ARL6IP1: variants seen among roughly 807,000 people sequenced by gnomAD.
ARL6IP1 encodes ADP-ribosylation factor-like protein 6-interacting protein 1.
A neutral mutation model predicts 30.1 loss-of-function variants in ARL6IP1; 16 were observed. That is an observed-to-expected ratio of 0.53 (90% confidence interval 0.36 to 0.81). ARL6IP1 has a LOEUF of 0.81. Ranked by LOEUF, ARL6IP1 falls within the 30% of genes least tolerant of loss-of-function variation. ARL6IP1 has a pLI of 0.01. For synonymous variants in ARL6IP1, 72 were observed against 84.8 expected (o/e 0.85, Z 0.83); for missense variants, 173 against 242.7 (o/e 0.71, Z 1.91).
intron 3 of ARL6IP1, among the ~76,000 whole-genome samples, chr16:18,797,088 G>T (rs1055545372): frequency 4.6e-5 from 7 of 152,002 alleles, no homozygotes; most frequent in Non-Finnish European, 1.0e-4. Context: ...GCAACCTCAT[G>T]GTATAAATAG....
At chr16:18,801,403 T>C in intron 1 of ARL6IP1, 28 bp downstream of exon 1, 23 of 1,611,754 alleles carry the variant, frequency 1.4e-5, no homozygotes, top group Non-Finnish European at 2.0e-5. Context: ...CTCGCTCGGC[T>C]CCCGGGGGAC....
intron 1 of ARL6IP1, 135 bp downstream of exon 1, chr16:18,801,296 G>A (rs2030402201): frequency 1.3e-6 from 2 of 1,501,302 alleles, no homozygotes; most frequent in Non-Finnish European, 1.8e-6. Flanking sequence ...AAGCCCGAGG[G>A]CCAGGCATCG....
intron 4 of ARL6IP1, 147 bp from the exon 5 acceptor site, chr16:18,794,830 G>T: frequency 1.8e-6 from 1 of 547,868 alleles, no homozygotes; most frequent in Non-Finnish European, 3.2e-6. Context: ...AAAATTCTTA[G>T]ATTTAAAAAC....
At position 18,801,511 on chromosome 16, in the gene ARL6IP1, C is replaced by G. The variant is rs755093710; in HGVS notation, c.-45G>C. ...CTACAAGCGCAGGCCACCTCCCCAACGAGTCCTCCAACCGAAACCCGCACA... is the reference window on the plus strand; with the variant it reads ...CTACAAGCGCAGGCCACCTCCCCAAGGAGTCCTCCAACCGAAACCCGCACA... On this transcript the variant is annotated 5_prime_UTR_variant, in exon 1 of 6. Coordinates refer to ENST00000304414, the MANE Select transcript of ARL6IP1 (RefSeq NM_015161.3). 6 of 1,603,670 alleles carry G rather than the reference C, an allele frequency of 3.7e-6. No homozygotes were observed. The highest frequency in any genetic ancestry group is 1.1e-5 in the South Asian group (1 of 89,232).
intron 4 of ARL6IP1, among the ~76,000 whole-genome samples, chr16:18,794,986 A>G (rs2030186841): frequency 6.6e-6 from 1 of 151,938 alleles, no homozygotes; most frequent in Non-Finnish European, 1.5e-5. Flanking sequence ...TGAAGCTTAC[A>G]GATAAGAGAA....
chr16:18,801,090 G>A (rs1596950743), intron 1 of ARL6IP1: 1 of 952,700 alleles, frequency 1.0e-6, no homozygotes, highest in Non-Finnish European at 1.4e-6. Flanking sequence ...TACGGCTGGG[G>A]CCTGAGCCGC....
intron 2 of ARL6IP1, chr16:18,798,485 C>T (rs1277332566): frequency 8.4e-6 from 4 of 475,432 alleles, no homozygotes; most frequent in East Asian, 3.4e-5. Flanking sequence ...AAAAAGTTTG[C>T]GAGTCACTGA....
At chr16:18,801,320 G>A (rs938874931) in intron 1 of ARL6IP1, 111 bp downstream of exon 1, 1 of 1,543,970 alleles carries the variant, frequency 6.5e-7, no homozygotes, top group Non-Finnish European at 8.7e-7. Context: ...CCTGCCCAGG[G>A]AGAGAAGGGC....
intron 1 of ARL6IP1, among the ~76,000 whole-genome samples, chr16:18,799,077 T>TGGGGAGATCTCGGCTCACTGCAGC (rs1367833904): frequency 2.0e-5 from 3 of 151,932 alleles, no homozygotes; most frequent in Non-Finnish European, 4.4e-5. Context: ...TGGAGTGCAG[T>TGGGGAGATCTCGGCTCACTGCAGC]GGGGAGATCT....
In ARL6IP1 at chr16:18,792,683, TGTACTA is replaced by T. The variant is rs1361383850; in HGVS notation, c.*563_*568del. The T allele has an allele frequency of 6.6e-6, 1 of 152,648 alleles. No homozygotes were observed. Among genetic ancestry groups the T allele is most frequent in the Non-Finnish European group, 1.5e-5 (1 of 68,042 alleles). The allele number at this position is 152,648 out of a possible 1,614,324, so 9.5% of individuals were successfully genotyped here. ...GCTTTGCACAAGGGAGAAGCCTACATGTACTAGTGCATGGAATCAGTTTCATCTTAT... is the reference window on the plus strand; with the variant it reads ...GCTTTGCACAAGGGAGAAGCCTACATGTGCATGGAATCAGTTTCATCTTAT... On this transcript the variant is annotated 3_prime_UTR_variant, in exon 6 of 6. Transcript: ENST00000304414.
rs2030072907 is a variant in ARL6IP1 at position 18,791,674 on chromosome 16, T to C, written c.*1578A>G. The stretch of plus-strand genomic sequence containing the variant: ...TATAAAGAAAGTGAGACATGAAGAT[T>C]CCAGCTTTTTTTATTTTTTCCCCTT... On this transcript the variant is annotated 3_prime_UTR_variant, in exon 6 of 6. Coordinates refer to ENST00000304414, the MANE Select transcript of ARL6IP1 (RefSeq NM_015161.3). The C allele has an allele frequency of 6.6e-6, 1 of 152,220 alleles. No homozygotes were observed. Among genetic ancestry groups the C allele is most frequent in the Admixed American group, 6.5e-5 (1 of 15,286 alleles). The allele number at this position is 152,220 out of a possible 1,614,324, so 9.4% of individuals were successfully genotyped here. A position where few individuals can be genotyped will look rare whatever the true frequency, so the allele number is the denominator to read the frequency against.
At chr16:18,793,779 G>A (rs61134590) in intron 5 of ARL6IP1, among the ~76,000 whole-genome samples, 11 of 152,086 alleles carry the variant, frequency 7.2e-5, no homozygotes, top group African/African-American at 2.4e-4. Flanking sequence ...GCACAATCTC[G>A]GTTCACTGCA....
In ARL6IP1 at chr16:18,793,356, ATAG is replaced by A; in HGVS notation, c.505_507del (p.Leu171del). The stretch of plus-strand genomic sequence containing the variant: ...CCATGTTGGTTTAGTCCAGGAAGCA[ATAG>A]TAAGGAAGTCACTTAAAATAAAAAA... On this transcript the variant is annotated inframe_deletion, in exon 6 of 6. Coordinates refer to ENST00000304414, the MANE Select transcript of ARL6IP1 (RefSeq NM_015161.3). 1 of 1,605,706 alleles carries A rather than the reference ATAG, an allele frequency of 6.2e-7. No homozygotes were observed. Among genetic ancestry groups the A allele is most frequent in the Non-Finnish European group, 8.5e-7 (1 of 1,175,166 alleles).
Position 18,798,735 on chromosome 16 carries a change from G to A in ARL6IP1, c.136C>T (p.Pro46Ser). The A allele has an allele frequency of 1.2e-6, 2 of 1,614,126 alleles. No homozygotes were observed. Among genetic ancestry groups the A allele is most frequent in the South Asian group, 1.1e-5 (1 of 91,074 alleles). ...AAAGAAACCACACCCATGATGGCAG[G>A]TGGAAACCAGGCTCTTTCCCATCGG... ...VLRWERAWFP[P>S]AIMGVVSLVF... is the part of the protein sequence containing the mutation. The change falls in exon 2 of 6, where the codon CCT becomes TCT. Residue 46 changes from proline to serine, a missense_variant. By Grantham distance (74) the Pro-to-Ser change is moderately conservative. Coordinates refer to ENST00000304414, the MANE Select transcript of ARL6IP1 (RefSeq NM_015161.3).
rs771147516 is a variant in ARL6IP1 at position 18,798,029 on chromosome 16, T to C, written c.186A>G (p.Leu62=). The stretch of plus-strand genomic sequence containing the variant: ...AAACGCCGGACAGAACAGATGGATC[T>C]AGATAGTAGATAATCCTGTTAAAAA... The part of the protein sequence containing the change: ...VSLVFLIIYY[L]DPSVLSGVSC... The change falls in exon 3 of 6, where the codon CTA becomes CTG. Residue 62 remains leucine, a synonymous_variant. Coordinates refer to ENST00000304414, the MANE Select transcript of ARL6IP1 (RefSeq NM_015161.3). 11 of 1,600,792 alleles carry C rather than the reference T, an allele frequency of 6.9e-6. No individual in the cohort carries two copies. Among genetic ancestry groups the C allele is most frequent in the Admixed American group, 1.8e-5 (1 of 56,468 alleles).
chr16:18,793,162 TC>T lies in ARL6IP1; in HGVS notation c.*89del. 15 of 820,086 alleles carry T rather than the reference TC, an allele frequency of 1.8e-5. No individual in the cohort carries two copies. Among genetic ancestry groups the T allele is most frequent in the Non-Finnish European group, 2.5e-5 (13 of 511,436 alleles). 50.8% of individuals were successfully genotyped at this position (820,086 alleles called of 1,614,324 possible). Reference sequence around the variant, plus strand: ...GAGTGAGGGAGAACAAAGAGCTACTTCCGTAACATTTTAGTATCCAGATAGT... The same window carrying T: ...GAGTGAGGGAGAACAAAGAGCTACTTCGTAACATTTTAGTATCCAGATAGT... On this transcript the variant is annotated 3_prime_UTR_variant, in exon 6 of 6. Transcript: ENST00000304414.
At chr16:18,800,342 G>A (rs2030370344) in intron 1 of ARL6IP1, among the ~76,000 whole-genome samples, 1 of 152,214 alleles carries the variant, frequency 6.6e-6, no homozygotes, top group Non-Finnish European at 1.5e-5. Flanking sequence ...CAAAGGCGTT[G>A]CTTTCCTTAG....
intron 4 of ARL6IP1, 31 bp from the exon 5 acceptor site, chr16:18,794,714 A>G: frequency 6.7e-7 from 1 of 1,490,314 alleles, no homozygotes. Context: ...TTAATATCAA[A>G]ACTTCATGTG....
intron 1 of ARL6IP1, among the ~76,000 whole-genome samples, chr16:18,800,393 G>A (rs953771417): frequency 1.3e-5 from 2 of 152,200 alleles, no homozygotes; most frequent in African/African-American, 4.8e-5. Flanking sequence ...GGAAGCAGGA[G>A]CTCTAGCCCA....
Sources: gnomAD v4.1 joint callset for allele counts (sites outside exome capture counted in the v4.1 genomes callset) on GRCh38, gnomAD v4.1.1 for gene constraint, MANE v1.5 for transcripts, NCBI Gene and HGNC (gene_info 2026-07-23, HGNC 2026-07-21) for gene names.